The following CTDP1 variants were observed in gnomAD, a reference collection of about 807,000 sequenced individuals.
CTDP1 encodes CTD phosphatase 1.
A neutral mutation model predicts 91.8 loss-of-function variants in CTDP1; 47 were observed. The observed-to-expected ratio is 0.51, with a 90% CI of 0.41 to 0.65. CTDP1 has a LOEUF of 0.65. CTDP1 is among the 30% of genes least tolerant of loss of function. CTDP1 has a pLI of 0.00. For synonymous variants in CTDP1, 656 were observed against 598.5 expected (o/e 1.10, Z -1.40); for missense variants, 1,272 against 1,373.7 (o/e 0.93, Z 1.17).
At position 79,718,034 on chromosome 18, in the gene CTDP1, C is replaced by CACTGTCCCCAGCTAATGAGGGCTCT; in HGVS notation, c.2417+19_2417+43dup. On this transcript the variant is annotated intron_variant, in intron 10 of 12. Transcript: ENST00000613122. ...TCCTTCAGGTACGTGGCGGCCCAGC[C>CACTGTCCCCAGCTAATGAGGGCTCT]ACTGTCCCCAGCTAATGAGGGCTCT... 3 of 1,612,148 alleles carry CACTGTCCCCAGCTAATGAGGGCTCT rather than the reference C, an allele frequency of 1.9e-6. No individual in the cohort carries two copies. The highest frequency in any genetic ancestry group is 2.5e-6 in the Non-Finnish European group (3 of 1,179,682).
chr18:79,736,271 C>G (rs1344117399), intron 11 of CTDP1, 84 bp from the exon 12 acceptor site: 9 of 1,523,638 alleles, frequency 5.9e-6, no homozygotes, highest in Non-Finnish European at 7.1e-6. Flanking sequence ...GCACTCAGAG[C>G]CCTGGACTCT....
chr18:79,742,769 C>G (rs756493404), intron 12 of CTDP1, among the ~76,000 whole-genome samples: 2 of 152,160 alleles, frequency 1.3e-5, no homozygotes, highest in Non-Finnish European at 2.9e-5. Context: ...ACCAACCTGG[C>G]CAACATGGTG....
In CTDP1 at chr18:79,736,479, C is replaced by T; in HGVS notation, c.2705C>T (p.Pro902Leu). Residue 902 changes from proline (P) to leucine (L), a missense_variant, in exon 12 of 13, where the codon CCT becomes CTT. Transcript: ENST00000613122. ...CGCAGGGAGCGGACGCTCGGGGCAC[C>T]TGCGTCCAGCGAGAGGAGCGCGGCA... ...GTRRERTLGAPASSERSAAGG... is the reference protein window; with the variant it reads ...GTRRERTLGALASSERSAAGG... 1 of 1,548,350 alleles carries T rather than the reference C, an allele frequency of 6.5e-7. No individual in the cohort carries two copies. The highest frequency in any genetic ancestry group is 8.7e-7 in the Non-Finnish European group (1 of 1,146,638).
chr18:79,691,021 G>A (rs144316421), intron 1 of CTDP1, among the ~76,000 whole-genome samples: 19 of 152,308 alleles, frequency 1.2e-4, no homozygotes, highest in Non-Finnish European at 2.2e-4. Context: ...CTCTGCCACC[G>A]GGACCTTGCG....
chr18:79,737,159 CCGCAACAG>C (rs779211360), intron 12 of CTDP1, among the ~76,000 whole-genome samples: 10 of 152,232 alleles, frequency 6.6e-5, no homozygotes, highest in Non-Finnish European at 1.3e-4. Context: ...GGGCGTTTGG[CCGCAACAG>C]CGCACTCTAA....
In CTDP1 at chr18:79,704,808, G is replaced by A; in HGVS notation, c.663G>A (p.Leu221=). 3.1e-6 allele frequency: 5 copies of A among 1,613,968 alleles called. No homozygotes were observed. In the Middle Eastern group the frequency reaches 4.9e-4, roughly 160 times the overall value. The stretch of plus-strand genomic sequence containing the variant: ...AGCTGGGCCGGGGTGAGCCCATGCT[G>A]CACACGCGCCTGCGTCCACACTGCA... The part of the protein sequence containing the change: ...HFQLGRGEPM[L]HTRLRPHCKD... Residue 221 remains leucine, a synonymous_variant, in exon 5 of 13, where the codon CTG becomes CTA. Transcript: ENST00000613122.
intron 10 of CTDP1, among the ~76,000 whole-genome samples, chr18:79,726,590 T>A (rs1248461608): frequency 1.7e-5 from 2 of 116,430 alleles, no homozygotes; most frequent in Non-Finnish European, 3.8e-5. Flanking sequence ...TTAAACCTTC[T>A]CCCATCACTG....
intron 10 of CTDP1, among the ~76,000 whole-genome samples, chr18:79,720,300 T>TC (rs1568201345): frequency 4.3e-4 from 4 of 9,208 alleles, no homozygotes; most frequent in African/African-American, 8.7e-4. Flanking sequence ...TGTCACCTCC[T>TC]ATTGTGTCCT....
rs1568201340 is a variant in CTDP1 at position 79,720,299 on chromosome 18, CTATTGTGTCCTGGTGATGCTGT to C, written c.2417+2284_2417+2305del. Reference sequence around the variant, plus strand: ...GGCATCCTGGTGATGATGTCACCTCCTATTGTGTCCTGGTGATGCTGTCACCTCCCGTCATTAGGAGGGCGTC... The same window carrying C: ...GGCATCCTGGTGATGATGTCACCTCCCACCTCCCGTCATTAGGAGGGCGTC... On this transcript the variant is annotated intron_variant, in intron 10 of 12. Coordinates refer to ENST00000613122, the MANE Select transcript of CTDP1 (RefSeq NM_004715.5). 5.9e-3 allele frequency among the ~76,000 whole-genome samples: 60 copies of C among 10,232 alleles called. 3 individuals are homozygous for C. The highest frequency in any genetic ancestry group is 3.3e-3 in the Admixed American group (4 of 1,222). 6.7% of individuals were successfully genotyped at this position (10,232 alleles called of 152,430 possible). A position where few individuals can be genotyped will look rare whatever the true frequency, so the allele number is the denominator to read the frequency against.
intron 11 of CTDP1, among the ~76,000 whole-genome samples, chr18:79,730,894 GATCTTTTGAGC>G (rs971642232): frequency 2.4e-4 from 36 of 152,374 alleles, no homozygotes; most frequent in Admixed American, 2.6e-4. Flanking sequence ...TGTGAATTTG[GATCTTTTGAGC>G]CGTGGCGCCT....
chr18:79,679,582 T>C (rs2086291273), upstream of CTDP1: 1 of 467,770 alleles, frequency 2.1e-6, no homozygotes, highest in South Asian at 1.5e-5. Context: ...GCCAAGACCG[T>C]CACTGGGACT....
At position 79,753,667 on chromosome 18, in the gene CTDP1, G is replaced by T; in HGVS notation, c.2763G>T (p.Lys921Asn). ...GGRGPRGHKRKLNEEDAASES... is the reference protein window; with the variant it reads ...GGRGPRGHKRNLNEEDAASES... ...TTCTCTGCAGAGGCCACAAGAGGAA[G>T]CTGAATGAAGAGGACGCCGCCAGCG... is the stretch of plus-strand genomic sequence containing the variant. Residue 921 changes from lysine (K) to asparagine (N), a missense_variant, in exon 13 of 13, where the codon AAG becomes AAT. Lys to Asn is a moderately conservative substitution (Grantham distance 94). Transcript: ENST00000613122. 6.2e-7 allele frequency: 1 copy of T among 1,614,182 alleles called. No homozygotes were observed. Among genetic ancestry groups the T allele is most frequent in the South Asian group, 1.1e-5 (1 of 91,086 alleles).
At chr18:79,705,852 T>C (rs2085957499) in intron 5 of CTDP1, among the ~76,000 whole-genome samples, 1 of 152,266 alleles carries the variant, frequency 6.6e-6, no homozygotes, top group Non-Finnish European at 1.5e-5. Flanking sequence ...TGACCTTTAA[T>C]TCCTCTTGTA....
intron 1 of CTDP1, among the ~76,000 whole-genome samples, chr18:79,689,678 G>A (rs995251040): frequency 6.6e-6 from 1 of 152,174 alleles, no homozygotes; most frequent in Non-Finnish European, 1.5e-5. Context: ...CTACTCGGGA[G>A]GCTGAGGCAA....
chr18:79,678,686 T>A (rs919031038), upstream of CTDP1: 1 of 152,116 alleles, frequency 6.6e-6, no homozygotes, highest in Admixed American at 6.5e-5. Flanking sequence ...ATCTCAATTG[T>A]ATATAAAATT....
At chr18:79,755,708 G>C (rs1411558359), downstream of CTDP1, 1 of 152,302 alleles carries the variant, frequency 6.6e-6, no homozygotes, top group Non-Finnish European at 1.5e-5. Flanking sequence ...TCTTGGCCGA[G>C]TCCCCTCTGG....
At chr18:79,747,028 C>T (rs968198957) in intron 12 of CTDP1, among the ~76,000 whole-genome samples, 1 of 152,212 alleles carries the variant, frequency 6.6e-6, no homozygotes, top group African/African-American at 2.4e-5. Context: ...ACTCTGGTGC[C>T]TGCAGTTTAG....
chr18:79,690,167 G>C (rs2085590082), intron 1 of CTDP1, among the ~76,000 whole-genome samples: 1 of 152,250 alleles, frequency 6.6e-6, no homozygotes, highest in African/African-American at 2.4e-5. Flanking sequence ...AAGGAAGGGA[G>C]AAGGTTGGAC....
At position 79,717,955 on chromosome 18, in the gene CTDP1, G is replaced by A. The variant is rs545124895; in HGVS notation, c.2356G>A (p.Ala786Thr). The A allele has an allele frequency of 4.2e-5, 68 of 1,613,402 alleles. No individual in the cohort carries two copies. The Admixed American group carries it at 5.5e-4, about 13-fold the overall frequency. Residue 786 changes from alanine to threonine, a missense_variant, in exon 10 of 13, where the codon GCC (alanine) becomes ACC (threonine). Ala to Thr is a moderately conservative substitution (Grantham distance 58). This residue lies in a region of CTDP1 where 881 missense variants were observed against 911.6 expected (regional missense o/e 0.97). Transcript: ENST00000613122. The part of the protein sequence containing the change: ...SNTGKLIRTG[A>T]RGPPAPSSSL... ...CACGGGGAAGCTCATCAGGACGGGC[G>A]CCCGGGGGCCCCCAGCACCCTCCAG...
Sources: gnomAD v4.1 joint callset for allele counts (sites outside exome capture counted in the v4.1 genomes callset) on GRCh38, gnomAD v4.1.1 for gene constraint, gnomAD v4.1.1 regional missense constraint, MANE v1.5 for transcripts, NCBI Gene and HGNC (gene_info 2026-07-23, HGNC 2026-07-21) for gene names.